The following ETV6 variants were observed in gnomAD, a reference collection of about 807,000 sequenced individuals.
The protein encoded by ETV6 is ETS variant transcription factor 6, also known as transcription factor ETV6.
Under a neutral mutation model 51.1 loss-of-function variants are expected in ETV6, and 16 were observed. That is an observed-to-expected ratio of 0.31 (90% CI 0.21 to 0.48). The LOEUF (loss-of-function observed/expected upper bound fraction) is 0.48. ETV6 is among the 20% of genes least tolerant of loss of function. The pLI is 0.99. For synonymous variants in ETV6, 240 were observed against 224.1 expected (o/e 1.07, Z -0.64); for missense variants, 458 against 594.8 (o/e 0.77, Z 2.39).
At chr12:11,748,751 A>C (rs1865954020) in intron 1 of ETV6, among the ~76,000 whole-genome samples, 1 of 152,180 alleles carries the variant, frequency 6.6e-6, no homozygotes, top group Non-Finnish European at 1.5e-5. Flanking sequence ...CTAAGCATTC[A>C]GTTTAAAAAT....
chr12:11,883,293 T>TTTTTTTTTTG (rs1947133096), intron 5 of ETV6, among the ~76,000 whole-genome samples: 1 of 117,040 alleles, frequency 8.5e-6, no homozygotes, highest in Non-Finnish European at 1.7e-5. Context: ...TTTTTTTTTT[T>TTTTTTTTTTG]TTTTTTTTTT....
At chr12:11,864,800 AAGT>A (rs1259355738) in intron 4 of ETV6, among the ~76,000 whole-genome samples, 4 of 152,160 alleles carry the variant, frequency 2.6e-5, no homozygotes, top group Non-Finnish European at 5.9e-5. Context: ...ACCTATACAA[AAGT>A]AAAGAGAATT....
At chr12:11,820,345 G>A (rs1946057884) in intron 2 of ETV6, among the ~76,000 whole-genome samples, 1 of 152,110 alleles carries the variant, frequency 6.6e-6, no homozygotes, top group Admixed American at 6.5e-5. Flanking sequence ...GAGACACTGG[G>A]GATATAGCAG....
At chr12:11,791,275 T>A (rs762732620) in intron 2 of ETV6, among the ~76,000 whole-genome samples, 126 of 152,302 alleles carry the variant, frequency 8.3e-4, no homozygotes, top group Non-Finnish European at 1.2e-3. Context: ...GATTTGTGCC[T>A]TCTTAAAAAT....
At chr12:11,834,857 T>C (rs1176577050) in intron 2 of ETV6, among the ~76,000 whole-genome samples, 1 of 152,148 alleles carries the variant, frequency 6.6e-6, no homozygotes, top group African/African-American at 2.4e-5. Flanking sequence ...GGAATAGAGA[T>C]CACATACTCT....
intron 1 of ETV6, among the ~76,000 whole-genome samples, chr12:11,677,951 G>A (rs75076088): frequency 2.9e-4 from 44 of 152,338 alleles, no homozygotes; most frequent in African/African-American, 1.1e-3. Flanking sequence ...GCAGTTCTCT[G>A]CTTGGACACT....
chr12:11,650,499 AAAAC>A (rs1260493709), intron 1 of ETV6, among the ~76,000 whole-genome samples: 1,189 of 82,130 alleles, frequency 0.014, 136 homozygotes, highest in African/African-American at 0.046. Flanking sequence ...AAAAAAACAA[AAAAC>A]AAAAAAAAAA....
At chr12:11,692,093 G>C (rs1328418610) in intron 1 of ETV6, among the ~76,000 whole-genome samples, 2 of 152,160 alleles carry the variant, frequency 1.3e-5, no homozygotes, top group Non-Finnish European at 2.9e-5. Flanking sequence ...GACACATGGG[G>C]CCTTTAAGAG....
At chr12:11,881,396 T>TG (rs1947090799) in intron 5 of ETV6, among the ~76,000 whole-genome samples, 2 of 152,234 alleles carry the variant, frequency 1.3e-5, no homozygotes, top group South Asian at 4.1e-4. Context: ...TTAGTCCTTT[T>TG]GGGGCTGCTC....
chr12:11,874,698 A>G (rs191903186), intron 5 of ETV6, among the ~76,000 whole-genome samples: 9 of 142,176 alleles, frequency 6.3e-5, no homozygotes, highest in African/African-American at 2.5e-4. Context: ...ATGTGTGTAT[A>G]TATGTATATA....
rs549694995 is a variant in ETV6 at position 11,674,349 on chromosome 12, G to A, written c.33+24189G>A. On this transcript the variant is annotated intron_variant, in intron 1 of 7. Coordinates refer to ENST00000396373, the MANE Select transcript of ETV6 (RefSeq NM_001987.5). ...ATGGCCAGCCAGTGACCTAGGAAGG[G>A]AAGCTCAGGCTTTTAAACAATGGCA... Among the ~76,000 whole-genome samples the A allele has an allele frequency of 1.4e-4, 22 of 152,240 alleles. No individual in the cohort carries two copies. The South Asian group carries it at 4.4e-3, about 30-fold the overall frequency.
At chr12:11,816,473 C>G (rs1945995736) in intron 2 of ETV6, among the ~76,000 whole-genome samples, 1 of 152,124 alleles carries the variant, frequency 6.6e-6, no homozygotes, top group Non-Finnish European at 1.5e-5. Flanking sequence ...GTCTCGATCT[C>G]CTGACCTCGT....
At chr12:11,759,999 G>T (rs1255430434) in intron 2 of ETV6, among the ~76,000 whole-genome samples, 1 of 152,216 alleles carries the variant, frequency 6.6e-6, no homozygotes, top group South Asian at 2.1e-4. Flanking sequence ...TAGCAGCGAC[G>T]TTTAGATGTT....
At chr12:11,888,638 A>G (rs551065848) in intron 7 of ETV6, among the ~76,000 whole-genome samples, 1 of 152,244 alleles carries the variant, frequency 6.6e-6, no homozygotes, top group South Asian at 2.1e-4. Context: ...CCTGGCTTCA[A>G]GTGATCTGCC....
At chr12:11,659,829 G>C (rs1864066852) in intron 1 of ETV6, among the ~76,000 whole-genome samples, 1 of 152,156 alleles carries the variant, frequency 6.6e-6, no homozygotes, top group African/African-American at 2.4e-5. Flanking sequence ...GCACTGCTAA[G>C]AGGTGAGGAA....
chr12:11,768,583 C>A (rs781501573), intron 2 of ETV6, among the ~76,000 whole-genome samples: 1 of 152,198 alleles, frequency 6.6e-6, no homozygotes, highest in Non-Finnish European at 1.5e-5. Context: ...ATGCTTAGAA[C>A]CGAAGTCAAA....
At chr12:11,729,394 C>T (rs1013545201) in intron 1 of ETV6, among the ~76,000 whole-genome samples, 12 of 152,126 alleles carry the variant, frequency 7.9e-5, no homozygotes, top group African/African-American at 2.7e-4. Context: ...CCCCTTAGAA[C>T]TGCCAGGCAG....
chr12:11,687,866 G>C (rs1864666290), intron 1 of ETV6, among the ~76,000 whole-genome samples: 1 of 152,214 alleles, frequency 6.6e-6, no homozygotes, highest in Admixed American at 6.5e-5. Context: ...GAGAAAGTTT[G>C]CTGTGAACTG....
intron 1 of ETV6, among the ~76,000 whole-genome samples, chr12:11,699,608 G>T (rs1326156801): frequency 6.6e-6 from 1 of 152,134 alleles, no homozygotes; most frequent in African/African-American, 2.4e-5. Context: ...ATACAGAGGA[G>T]AAATAAAGTG....
Sources: allele counts gnomAD v4.1 joint callset (sites outside exome capture counted in the v4.1 genomes callset), GRCh38; gene constraint gnomAD v4.1.1; transcripts MANE v1.5; gene names NCBI Gene and HGNC (gene_info 2026-07-23, HGNC 2026-07-21).